Variants in XXYLT1 observed in about 807,000 individuals in gnomAD.
The protein encoded by XXYLT1 is UDP-xylose:alpha-xyloside alpha-1,3-xylosyltransferase.
A neutral mutation model predicts 28.9 loss-of-function variants in XXYLT1; 20 were observed. The observed-to-expected ratio is 0.69, with a 90% CI of 0.49 to 1.00. The LOEUF (loss-of-function observed/expected upper bound fraction) is 1.00. XXYLT1 is among the 50% of genes least tolerant of loss of function. The pLI is 0.00. For missense variants in XXYLT1, 542 were observed against 560.1 expected, an observed-to-expected ratio of 0.97 and a Z score of 0.33; for synonymous variants, 257 against 253.8, an observed-to-expected ratio of 1.01 and a Z score of -0.12.
chr3:195,151,494 C>T (rs1421940568), intron 3 of XXYLT1, among the ~76,000 whole-genome samples: 1 of 151,918 alleles, frequency 6.6e-6, no homozygotes, highest in African/African-American at 2.4e-5. Context: ...TGTGCCACTG[C>T]ACTCCAGCCT....
chr3:195,190,820 T>C (rs993769415), intron 2 of XXYLT1, among the ~76,000 whole-genome samples: 1 of 152,076 alleles, frequency 6.6e-6, no homozygotes, highest in Non-Finnish European at 1.5e-5. Context: ...ATTAAGTTAT[T>C]AATCTGAAGT....
chr3:195,213,182 T>C lies in XXYLT1; in HGVS notation c.652+13527A>G, dbSNP rs184232206. ...TAGCTTTGGCTGGAAGGTGAGGCTT[T>C]CCTGCCCACATCCGCATCCCAACAG... On this transcript the variant is annotated intron_variant, in intron 2 of 3. Coordinates refer to ENST00000310380, the MANE Select transcript of XXYLT1 (RefSeq NM_152531.5). 9.2e-5 allele frequency among the ~76,000 whole-genome samples: 14 copies of C among 152,288 alleles called. No individual in the cohort carries two copies. In the East Asian group the frequency reaches 2.7e-3, roughly 29 times the overall value.
intron 2 of XXYLT1, among the ~76,000 whole-genome samples, chr3:195,169,943 G>A (rs1332096018): frequency 4.0e-5 from 6 of 149,710 alleles, no homozygotes; most frequent in Non-Finnish European, 4.4e-5. Flanking sequence ...TCGGCTCACC[G>A]CAACCTCTGC....
intron 2 of XXYLT1, among the ~76,000 whole-genome samples, chr3:195,172,380 G>A (rs749867655): frequency 3.3e-5 from 5 of 152,178 alleles, no homozygotes; most frequent in South Asian, 4.1e-4. Context: ...ACGTGAGCAC[G>A]GTCCCAGGTT....
At chr3:195,106,690 G>C (rs6650885) in intron 3 of XXYLT1, among the ~76,000 whole-genome samples, 48 of 152,362 alleles carry the variant, frequency 3.2e-4, no homozygotes, top group African/African-American at 1.0e-3. Context: ...AAGCTGGGGT[G>C]GGGGGCTGGC....
intron 2 of XXYLT1, among the ~76,000 whole-genome samples, chr3:195,201,878 G>A (rs551003631): frequency 6.6e-6 from 1 of 152,196 alleles, no homozygotes; most frequent in South Asian, 2.1e-4. Context: ...AGAGCTAACC[G>A]ACAACTAAGA....
chr3:195,160,312 C>T (rs1175576841), intron 2 of XXYLT1, among the ~76,000 whole-genome samples: 2 of 152,186 alleles, frequency 1.3e-5, no homozygotes, highest in African/African-American at 2.4e-5. Context: ...ACCATGCAAG[C>T]GCCTCCTCTG....
intron 2 of XXYLT1, among the ~76,000 whole-genome samples, chr3:195,164,536 G>A (rs1228655142): frequency 6.6e-6 from 1 of 152,212 alleles, no homozygotes; most frequent in Non-Finnish European, 1.5e-5. Flanking sequence ...TGGGTCCCTT[G>A]GAATCCAGGC....
intron 2 of XXYLT1, among the ~76,000 whole-genome samples, chr3:195,160,568 A>T (rs1476435163): frequency 6.6e-6 from 1 of 152,212 alleles, no homozygotes; most frequent in Non-Finnish European, 1.5e-5. Flanking sequence ...GCAATATGCC[A>T]CCTGCCTTAT....
intron 2 of XXYLT1, among the ~76,000 whole-genome samples, chr3:195,171,785 T>G (rs937923946): frequency 1.3e-5 from 2 of 152,234 alleles, no homozygotes; most frequent in Non-Finnish European, 2.9e-5. Flanking sequence ...TTCTGAATAT[T>G]CTAGTCCAAT....
intron 3 of XXYLT1, among the ~76,000 whole-genome samples, chr3:195,113,170 C>A (rs1286882472): frequency 6.6e-6 from 1 of 152,178 alleles, no homozygotes; most frequent in Admixed American, 6.5e-5. Flanking sequence ...TGGACCTTCC[C>A]GTCTTTTCTC....
At chr3:195,138,655 G>C (rs1719320205) in intron 3 of XXYLT1, among the ~76,000 whole-genome samples, 1 of 152,058 alleles carries the variant, frequency 6.6e-6, no homozygotes. Flanking sequence ...AGGAGTTTGA[G>C]ACCAGCCTGG....
intron 2 of XXYLT1, among the ~76,000 whole-genome samples, chr3:195,201,858 C>T (rs1157098454): frequency 6.6e-6 from 1 of 152,176 alleles, no homozygotes; most frequent in African/African-American, 2.4e-5. Flanking sequence ...TCCATCCGCA[C>T]AGGAAACCAA....
Position 195,129,855 on chromosome 3 carries a change from T to G in XXYLT1, c.785+26594A>C, listed in dbSNP as rs1718815942. Among the ~76,000 whole-genome samples the G allele has an allele frequency of 6.6e-6, 1 of 152,184 alleles. No individual in the cohort carries two copies. Among genetic ancestry groups the G allele is most frequent in the Admixed American group, 6.5e-5 (1 of 15,280 alleles). On this transcript the variant is annotated intron_variant, in intron 3 of 3. Transcript: ENST00000310380. The surrounding 1 kb of genome is among the most constrained non-coding windows in gnomAD (Gnocchi z 4.4). ...TACACCTATCTAGGAGTGGAACGGC[T>G]GGTCAGGGTCACTAAGTTTGTGAAC...
chr3:195,152,078 T>A lies in XXYLT1; in HGVS notation c.785+4371A>T, dbSNP rs528351902. On this transcript the variant is annotated intron_variant, in intron 3 of 3. Coordinates refer to ENST00000310380, the MANE Select transcript of XXYLT1 (RefSeq NM_152531.5). ...ACAAAGTGTCACATGGGGAATTCAC[T>A]TCTGAGTACGACCGAATGCTATTTC... 2.6e-5 allele frequency among the ~76,000 whole-genome samples: 4 copies of A among 152,360 alleles called. No individual in the cohort carries two copies. In the East Asian group the frequency reaches 7.7e-4, roughly 29 times the overall value.
At chr3:195,215,134 CA>C (rs1723512778) in intron 2 of XXYLT1, among the ~76,000 whole-genome samples, 1 of 151,274 alleles carries the variant, frequency 6.6e-6, no homozygotes, top group Non-Finnish European at 1.5e-5. Flanking sequence ...GAGATTTTGT[CA>C]CCACCAGGCC....
At chr3:195,089,122 A>T (rs1715985700) in intron 3 of XXYLT1, among the ~76,000 whole-genome samples, 1 of 150,530 alleles carries the variant, frequency 6.6e-6, no homozygotes, top group Admixed American at 6.6e-5. Context: ...ATCCAGGAGA[A>T]CTTCCCCAAT....
At chr3:195,205,900 G>C (rs1723050482) in intron 2 of XXYLT1, among the ~76,000 whole-genome samples, 1 of 151,912 alleles carries the variant, frequency 6.6e-6, no homozygotes, top group Non-Finnish European at 1.5e-5. Flanking sequence ...CAATATCCTG[G>C]TTGTTGTATT....
chr3:195,109,822 TGTATGAGTGTGC>T lies in XXYLT1; in HGVS notation c.786-39723_786-39712del, dbSNP rs1293561043. 6.2e-4 allele frequency among the ~76,000 whole-genome samples: 32 copies of T among 51,820 alleles called. 2 individuals carry two copies. The highest frequency in any genetic ancestry group is 2.1e-3 in the African/African-American group (29 of 14,052). 34.0% of individuals were successfully genotyped at this position (51,820 alleles called of 152,430 possible). A position where few individuals can be genotyped will look rare whatever the true frequency, so the allele number is the denominator to read the frequency against. On this transcript the variant is annotated intron_variant, in intron 3 of 3. Coordinates refer to ENST00000310380, the MANE Select transcript of XXYLT1 (RefSeq NM_152531.5). ...GTGTGGTGTATGAGTGTGTGTGTGG[TGTATGAGTGTGC>T]GTGTGTGTGGTGTATGTGTGCCTGT...
Sources: gnomAD v4.1 joint callset for allele counts (sites outside exome capture counted in the v4.1 genomes callset) on GRCh38, gnomAD v4.1.1 for gene constraint, Gnocchi (gnomAD v3.1) non-coding constraint, MANE v1.5 for transcripts, NCBI Gene and HGNC (gene_info 2026-07-23, HGNC 2026-07-21) for gene names.